Variants in SLC35F4 observed in about 807,000 individuals in gnomAD.
The protein encoded by SLC35F4 is chromosome 14 open reading frame 36.
In SLC35F4, 24 loss-of-function variants were observed where a neutral mutation model predicts 44.2. That is an observed-to-expected ratio of 0.54 (90% CI 0.39 to 0.76). SLC35F4 has a LOEUF of 0.76. Ranked by LOEUF, SLC35F4 falls within the 30% of genes least tolerant of loss-of-function variation. SLC35F4 has a pLI of 0.00. For synonymous variants in SLC35F4, 238 were observed against 223.6 expected (o/e 1.06, Z -0.57); for missense variants, 562 against 586.1 (o/e 0.96, Z 0.42).
chr14:57,973,559 G>A (rs549611173), downstream of SLC35F4, among the ~76,000 whole-genome samples: 16 of 152,216 alleles, frequency 1.1e-4, no homozygotes, highest in South Asian at 6.2e-4. Flanking sequence ...GCTGTCACCC[G>A]GGGAATAAAT....
chr14:57,855,391 C>T (rs1886986463), intron 1 of SLC35F4, among the ~76,000 whole-genome samples: 1 of 152,082 alleles, frequency 6.6e-6, no homozygotes, highest in South Asian at 2.1e-4. Flanking sequence ...TATGAACAGA[C>T]ACTTCTCAAA....
rs776175233 is a variant in SLC35F4, at chr14:57,581,447, G to T, written c.588-14C>A. ...CGACTGCATTCCCTAGGAAAGAAAAGAGAAGTTAATATCCAGGTACTGATG... is the reference window on the plus strand; with the variant it reads ...CGACTGCATTCCCTAGGAAAGAAAATAGAAGTTAATATCCAGGTACTGATG... On this transcript the variant is annotated splice_polypyrimidine_tract_variant and intron_variant, in intron 3 of 7. Transcript: ENST00000556826. 1 of 1,595,702 alleles carries T rather than the reference G, an allele frequency of 6.3e-7. No individual in the cohort carries two copies. The highest frequency in any genetic ancestry group is 8.5e-7 in the Non-Finnish European group (1 of 1,170,546).
At chr14:57,886,765 A>T (rs2223936) in intron 1 of SLC35F4, among the ~76,000 whole-genome samples, 12,201 of 152,216 alleles carry the variant, frequency 0.08, 549 homozygotes, top group Middle Eastern at 0.14. Flanking sequence ...CCGAAAAAAA[A>T]AAATGGGTCA....
chr14:57,891,977 T>G (rs1227291074), intron 1 of SLC35F4, among the ~76,000 whole-genome samples: 1 of 152,210 alleles, frequency 6.6e-6, no homozygotes, highest in African/African-American at 2.4e-5. Context: ...TTATTATTTC[T>G]CATACATATT....
intron 1 of SLC35F4, among the ~76,000 whole-genome samples, chr14:57,788,316 G>T (rs1426393608): frequency 1.3e-5 from 2 of 152,062 alleles, no homozygotes; most frequent in South Asian, 4.1e-4. Flanking sequence ...CACAGTAATA[G>T]TGGGGGACAT....
chr14:57,795,860 A>G (rs2078042594), intron 1 of SLC35F4, among the ~76,000 whole-genome samples: 1 of 152,010 alleles, frequency 6.6e-6, no homozygotes, highest in Admixed American at 6.6e-5. Flanking sequence ...GGCAAATTGC[A>G]TGTTACTAGG....
chr14:57,750,903 G>T (rs1483021328), intron 1 of SLC35F4, among the ~76,000 whole-genome samples: 1 of 152,120 alleles, frequency 6.6e-6, no homozygotes, highest in East Asian at 1.9e-4. Flanking sequence ...TGTGATGGCT[G>T]GTCTTTCCTT....
intron 1 of SLC35F4, among the ~76,000 whole-genome samples, chr14:57,641,710 T>C (rs1402889380): frequency 6.6e-6 from 1 of 152,048 alleles, no homozygotes; most frequent in Non-Finnish European, 1.5e-5. Flanking sequence ...ATAAAAGTTT[T>C]AACACTATAG....
In SLC35F4 at chr14:57,717,365, G is replaced by A. The variant is rs567254275; in HGVS notation, c.104-123241C>T. The stretch of plus-strand genomic sequence containing the variant: ...AAGAGTTCTTCTTCCAGCTGGGCGC[G>A]GTGGCTCACCCCTGTAATCCCAGCA... On this transcript the variant is annotated intron_variant, in intron 1 of 7. Transcript: ENST00000556826. Among the ~76,000 whole-genome samples the A allele has an allele frequency of 5.9e-5, 9 of 152,216 alleles. No homozygotes were observed. In the South Asian group the frequency reaches 1.2e-3, roughly 21 times the overall value.
Position 57,760,225 on chromosome 14 carries a change from G to A in SLC35F4, c.103+105498C>T, listed in dbSNP as rs534802213. On this transcript the variant is annotated intron_variant, in intron 1 of 7. Coordinates refer to ENST00000556826, the MANE Select transcript of SLC35F4 (RefSeq NM_001306087.2). ...TTTTTGTGCATGTTGTAAGATTAGGGTCCAATTTCATTATTTTGCATGTGG... is the reference window on the plus strand; with the variant it reads ...TTTTTGTGCATGTTGTAAGATTAGGATCCAATTTCATTATTTTGCATGTGG... Among the ~76,000 whole-genome samples the A allele has an allele frequency of 5.3e-5, 8 of 152,002 alleles. No individual in the cohort carries two copies. In the South Asian group the frequency reaches 1.7e-3, roughly 32 times the overall value.
chr14:57,672,340 A>T (rs1029525963), intron 1 of SLC35F4, among the ~76,000 whole-genome samples: 1 of 152,076 alleles, frequency 6.6e-6, no homozygotes, highest in Admixed American at 6.6e-5. Context: ...TGACACCCAG[A>T]TTTAAAAGTG....
Position 57,883,498 on chromosome 14 carries a change from A to G in SLC35F4, n.282+98415T>C, listed in dbSNP as rs147588252. Among the ~76,000 whole-genome samples the G allele has an allele frequency of 6.5e-3, 987 of 152,278 alleles. 10 individuals carry two copies. Among genetic ancestry groups the G allele is most frequent in the Non-Finnish European group, 0.012 (795 of 68,002 alleles). ...GTACTATCATCCTTTTAAGATTTTT[A>G]TCTCTGGAATTGGGAAGGACTTAAT... On this transcript the variant is annotated intron_variant and non_coding_transcript_variant, in intron 1 of 1. Transcript: ENST00000556568.
chr14:57,690,136 G>T (rs2075186393), intron 1 of SLC35F4, among the ~76,000 whole-genome samples: 1 of 152,110 alleles, frequency 6.6e-6, no homozygotes, highest in African/African-American at 2.4e-5. Flanking sequence ...GACCAAGTCA[G>T]CATCTCATGG....
chr14:57,835,891 TTTC>T (rs1427165354), intron 1 of SLC35F4, among the ~76,000 whole-genome samples: 1 of 152,250 alleles, frequency 6.6e-6, no homozygotes, highest in Non-Finnish European at 1.5e-5. Context: ...AGAATGTTCC[TTTC>T]TTTTAATTTC....
At chr14:57,836,484 G>A (rs536530489) in intron 1 of SLC35F4, among the ~76,000 whole-genome samples, 1 of 152,176 alleles carries the variant, frequency 6.6e-6, no homozygotes, top group African/African-American at 2.4e-5. Context: ...GTAGAAACGG[G>A]GTTTCACCAT....
intron 1 of SLC35F4, among the ~76,000 whole-genome samples, chr14:57,716,579 C>T (rs761091902): frequency 2.3e-4 from 35 of 152,092 alleles, no homozygotes; most frequent in Non-Finnish European, 3.2e-4. Flanking sequence ...AAATCCACTT[C>T]CCATATATAT....
intron 1 of SLC35F4, among the ~76,000 whole-genome samples, chr14:57,873,276 AC>A (rs199567004): frequency 1.3e-5 from 2 of 152,134 alleles, no homozygotes; most frequent in African/African-American, 2.4e-5. Flanking sequence ...TGTGAAAAAA[AC>A]AAAGTCCTCT....
rs12897429 is a variant in SLC35F4, at chr14:57,665,239, C to T, written c.104-71115G>A. ...AAATATTATATTTCTTAACTCAGGT[C>T]TTCAGACAGCTTACCCAGACTCCGC... On this transcript the variant is annotated intron_variant, in intron 1 of 7. Transcript: ENST00000556826. 1.2e-3 allele frequency among the ~76,000 whole-genome samples: 182 copies of T among 152,030 alleles called. 1 individual carries two copies. Among genetic ancestry groups the T allele is most frequent in the Non-Finnish European group, 1.9e-3 (129 of 67,992 alleles).
At chr14:57,865,699 C>T (rs1888106342) in intron 1 of SLC35F4, 24 bp downstream of exon 1, 1 of 1,508,200 alleles carries the variant, frequency 6.6e-7, no homozygotes, top group Non-Finnish European at 8.8e-7. Context: ...CCGCCTCGCG[C>T]AGGGCAGCCG....
Sources: gnomAD v4.1 joint callset for allele counts (sites outside exome capture counted in the v4.1 genomes callset) on GRCh38, gnomAD v4.1.1 for gene constraint, MANE v1.5 for transcripts, NCBI Gene and HGNC (gene_info 2026-07-23, HGNC 2026-07-21) for gene names.